The following DPP10 variants were observed in gnomAD, a reference collection of about 807,000 sequenced individuals.
DPP10 encodes the protein inactive dipeptidyl peptidase 10.
DPP10 carries 33 observed loss-of-function variants against 120.9 expected under a neutral mutation model. That is an observed-to-expected ratio of 0.27 (90% CI 0.21 to 0.37). The LOEUF (loss-of-function observed/expected upper bound fraction) is 0.37, where lower values mean the gene tolerates loss of function less well. Among genes scored for constraint, DPP10 ranks in the 10% least tolerant of loss-of-function variants. DPP10 has a pLI of 1.00. For missense variants in DPP10, 816 were observed against 942.8 expected, an observed-to-expected ratio of 0.87 and a Z score of 1.76; for synonymous variants, 337 against 326.1, an observed-to-expected ratio of 1.03 and a Z score of -0.36.
chr2:115,561,002 G>A (rs913395777), intron 5 of DPP10, among the ~76,000 whole-genome samples: 34 of 152,004 alleles, frequency 2.2e-4, no homozygotes, highest in African/African-American at 3.9e-4. Context: ...GTCGGGAGCC[G>A]TATGGAAGCT....
intron 1 of DPP10, among the ~76,000 whole-genome samples, chr2:115,065,875 A>G (rs1029590442): frequency 2.6e-5 from 4 of 152,218 alleles, no homozygotes; most frequent in African/African-American, 9.6e-5. Flanking sequence ...AAATCCACCC[A>G]AGAATAATTG....
chr2:114,851,383 A>G (rs1211900904), intron 1 of DPP10, among the ~76,000 whole-genome samples: 2 of 152,180 alleles, frequency 1.3e-5, no homozygotes, highest in Admixed American at 1.3e-4. Flanking sequence ...CATCAACTAC[A>G]TTAAATCTAT....
intron 5 of DPP10, among the ~76,000 whole-genome samples, chr2:115,537,523 CAT>C (rs952635610): frequency 6.8e-6 from 1 of 147,918 alleles, no homozygotes; most frequent in Non-Finnish European, 1.5e-5. Flanking sequence ...TGGAAGAAAA[CAT>C]AGTTATTGCA....
intron 3 of DPP10, among the ~76,000 whole-genome samples, chr2:115,377,743 A>G (rs2106441336): frequency 6.6e-6 from 1 of 152,050 alleles, no homozygotes; most frequent in Non-Finnish European, 1.5e-5. Context: ...GGTGTAAGGA[A>G]GGGATCCAGT....
At chr2:114,532,292 T>TACAC (rs1433723535) in intron 1 of DPP10, among the ~76,000 whole-genome samples, 75 of 67,344 alleles carry the variant, frequency 1.1e-3, no homozygotes, top group Non-Finnish European at 1.8e-3. Context: ...TATATATATA[T>TACAC]ATATACACAC....
In DPP10 at chr2:115,433,938, T is replaced by A. The variant is rs141490511; in HGVS notation, c.272-65572T>A. Among the ~76,000 whole-genome samples the A allele has an allele frequency of 6.3e-3, 955 of 152,108 alleles. 15 individuals carry two copies. Among genetic ancestry groups the A allele is most frequent in the African/African-American group, 0.022 (899 of 41,544 alleles). On this transcript the variant is annotated intron_variant, in intron 3 of 25. Transcript: ENST00000410059. ...TTCCTACACTTCTGGAGACTTGAAT[T>A]CTGGTCTTCTCTAACAGTCATTATC... is the stretch of plus-strand genomic sequence containing the variant.
At chr2:114,815,882 GTTTT>G (rs3036391) in intron 1 of DPP10, among the ~76,000 whole-genome samples, 2,383 of 144,140 alleles carry the variant, frequency 0.017, 57 homozygotes, top group African/African-American at 0.052. Context: ...AATTTTCTTA[GTTTT>G]TTTTTTTTTT....
Position 115,624,193 on chromosome 2 carries a change from A to G in DPP10, c.442-65494A>G, listed in dbSNP as rs534764772. Among the ~76,000 whole-genome samples the G allele has an allele frequency of 3.3e-5, 5 of 152,184 alleles. No individual in the cohort carries two copies. In the East Asian group the frequency reaches 9.7e-4, roughly 29 times the overall value. ...ATAGATTATTCTTCCTTGGGCTGCA[A>G]TACTTTTAAAAGGATTATTCCTTAT... On this transcript the variant is annotated intron_variant, in intron 5 of 25. Coordinates refer to ENST00000410059, the MANE Select transcript of DPP10 (RefSeq NM_020868.6).
At chr2:115,457,849 T>C (rs549540183) in intron 3 of DPP10, among the ~76,000 whole-genome samples, 34 of 152,178 alleles carry the variant, frequency 2.2e-4, no homozygotes, top group Non-Finnish European at 3.2e-4. Flanking sequence ...CTATGCAAAA[T>C]CTTGTACAGG....
intron 5 of DPP10, among the ~76,000 whole-genome samples, chr2:115,547,633 G>A (rs1270434763): frequency 6.6e-6 from 1 of 152,016 alleles, no homozygotes; most frequent in Non-Finnish European, 1.5e-5. Flanking sequence ...GGGCATTGTG[G>A]TATGTTCCTG....
In DPP10 at chr2:114,954,080, C is replaced by CTTTTT. The variant is rs66485866; in HGVS notation, c.61-355145_61-355141dup. Among the ~76,000 whole-genome samples, 260 of 122,048 alleles carry CTTTTT rather than the reference C, an allele frequency of 2.1e-3. 8 individuals carry two copies. The highest frequency in any genetic ancestry group is 7.0e-3 in the African/African-American group (229 of 32,588). The allele number at this position is 122,048 out of a possible 152,430, so 80.1% of individuals were successfully genotyped here. On this transcript the variant is annotated intron_variant, in intron 1 of 25. Coordinates refer to ENST00000410059, the MANE Select transcript of DPP10 (RefSeq NM_020868.6). Reference sequence around the variant, plus strand: ...GAGTTAAAGATGAGATTAAGAAGTCCTTTTTTTTTTTTTTTTTTGATACAG... The same window carrying CTTTTT: ...GAGTTAAAGATGAGATTAAGAAGTCCTTTTTTTTTTTTTTTTTTTTTTTGATACAG...
At chr2:115,184,469 G>A (rs1008752295) in intron 1 of DPP10, among the ~76,000 whole-genome samples, 4 of 152,150 alleles carry the variant, frequency 2.6e-5, no homozygotes, top group African/African-American at 9.7e-5. Context: ...TTTACAAGAC[G>A]ATGGCAGCAG....
In DPP10 at chr2:114,524,426, G is replaced by A. The variant is rs374849224; in HGVS notation, c.60+81588G>A. Among the ~76,000 whole-genome samples, 5 of 152,344 alleles carry A rather than the reference G, an allele frequency of 3.3e-5. No homozygotes were observed. In the East Asian group the frequency reaches 5.8e-4, roughly 18 times the overall value. On this transcript the variant is annotated intron_variant, in intron 1 of 25. Coordinates refer to ENST00000410059, the MANE Select transcript of DPP10 (RefSeq NM_020868.6). ...AAACAGCTAATAAAAACTGATGTTTGAGCCTAAGCATTAAGAATGTTTTCC... is the reference window on the plus strand; with the variant it reads ...AAACAGCTAATAAAAACTGATGTTTAAGCCTAAGCATTAAGAATGTTTTCC...
At chr2:115,081,824 C>T (rs143564359) in intron 1 of DPP10, among the ~76,000 whole-genome samples, 13 of 152,316 alleles carry the variant, frequency 8.5e-5, no homozygotes, top group African/African-American at 2.9e-4. Flanking sequence ...CTTCCATTCA[C>T]CCTTTGCCTG....
At chr2:114,988,573 G>A (rs764869954) in intron 1 of DPP10, among the ~76,000 whole-genome samples, 32 of 151,926 alleles carry the variant, frequency 2.1e-4, no homozygotes, top group Non-Finnish European at 3.5e-4. Flanking sequence ...TCTCTCCTTA[G>A]GTCCTTTCCC....
rs35371173 is a variant in DPP10, at chr2:115,492,587, GA to G, written c.272-6915del. On this transcript the variant is annotated intron_variant, in intron 3 of 25. Transcript: ENST00000410059. ...GTAAATGGGTTTTTGGAAAGTTCTT[GA>G]AAAAAAAGAAGGTTATTTGCAACTT... is the stretch of plus-strand genomic sequence containing the variant. Among the ~76,000 whole-genome samples the G allele has an allele frequency of 2.0e-5, 3 of 151,650 alleles. No individual in the cohort carries two copies. In the East Asian group the frequency reaches 5.8e-4, roughly 29 times the overall value.
intron 11 of DPP10, 29 bp from the exon 12 acceptor site, chr2:115,762,543 G>A (rs1241128514): frequency 6.2e-7 from 1 of 1,612,912 alleles, no homozygotes; most frequent in African/African-American, 1.3e-5. Context: ...GTCTTTAGAT[G>A]CTTCATGGAG....
intron 3 of DPP10, among the ~76,000 whole-genome samples, chr2:115,454,140 T>C (rs76949486): frequency 0.018 from 2,660 of 151,588 alleles, 61 homozygotes; most frequent in Non-Finnish European, 0.02. Flanking sequence ...CTGTGAAATA[T>C]TTAAAGAAGA....
chr2:115,511,753 G>C (rs1411543102), intron 4 of DPP10, among the ~76,000 whole-genome samples: 3 of 131,606 alleles, frequency 2.3e-5, no homozygotes, highest in Non-Finnish European at 4.7e-5. Context: ...TTTGACACAG[G>C]GTCTCACTCT....
Sources: gnomAD v4.1 joint callset for allele counts (sites outside exome capture counted in the v4.1 genomes callset) on GRCh38, gnomAD v4.1.1 for gene constraint, MANE v1.5 for transcripts, NCBI Gene and HGNC (gene_info 2026-07-23, HGNC 2026-07-21) for gene names.